NYAP2: variants seen among roughly 807,000 people sequenced by gnomAD.
The protein encoded by NYAP2 is neuronal tyrosine-phosphorylated phosphoinositide-3-kinase adaptor 2.
Under a neutral mutation model 50.4 loss-of-function variants are expected in NYAP2, and 23 were observed. That is an observed-to-expected ratio of 0.46 (90% confidence interval 0.33 to 0.65). NYAP2 has a LOEUF of 0.65. NYAP2 is among the 30% of genes least tolerant of loss of function. NYAP2 has a pLI of 0.02. For missense variants in NYAP2, 885 were observed against 861.0 expected (o/e 1.03, Z -0.35); for synonymous variants, 394 against 365.2 (o/e 1.08, Z -0.90).
chr2:225,445,477 A>G (rs1689538090), intron 3 of NYAP2, among the ~76,000 whole-genome samples: 2 of 152,090 alleles, frequency 1.3e-5, no homozygotes, highest in African/African-American at 4.8e-5. Context: ...TTGTAGAATG[A>G]CAAAGTTTTC....
chr2:225,446,516 T>A (rs994076341), intron 3 of NYAP2, among the ~76,000 whole-genome samples: 1 of 151,720 alleles, frequency 6.6e-6, no homozygotes, highest in African/African-American at 2.4e-5. Flanking sequence ...TGAAGTTGCA[T>A]GAAAGTTATA....
intron 3 of NYAP2, among the ~76,000 whole-genome samples, chr2:225,452,480 G>T (rs1689668518): frequency 6.6e-6 from 1 of 152,148 alleles, no homozygotes; most frequent in South Asian, 2.1e-4. Flanking sequence ...AGCTTTCTTG[G>T]ATGGTTGTAA....
In NYAP2 at chr2:225,474,484, G is replaced by A. The variant is rs13417808; in HGVS notation, c.222-38887G>A. On this transcript the variant is annotated intron_variant, in intron 3 of 6. Coordinates refer to ENST00000636099, the Ensembl canonical transcript of NYAP2. ...ATTTGTTTGTATCCTCTTTTATTTCGTTGAGCAGTGGTTTGTAGTTCACCT... is the reference window on the plus strand; with the variant it reads ...ATTTGTTTGTATCCTCTTTTATTTCATTGAGCAGTGGTTTGTAGTTCACCT... Among the ~76,000 whole-genome samples, 874 of 152,028 alleles carry A rather than the reference G, an allele frequency of 5.7e-3. 7 individuals are homozygous for A. The highest frequency in any genetic ancestry group is 0.02 in the African/African-American group (824 of 41,478).
At chr2:225,443,772 C>T (rs1269549018) in intron 3 of NYAP2, among the ~76,000 whole-genome samples, 3 of 152,122 alleles carry the variant, frequency 2.0e-5, no homozygotes, top group Admixed American at 6.5e-5. Context: ...TAAAGAACAG[C>T]TTTATAGTAA....
chr2:225,486,861 C>G (rs894829997), intron 3 of NYAP2, among the ~76,000 whole-genome samples: 3 of 152,156 alleles, frequency 2.0e-5, no homozygotes, highest in African/African-American at 7.2e-5. Flanking sequence ...GATCTGAGTT[C>G]CAGCTATTCC....
intron 3 of NYAP2, among the ~76,000 whole-genome samples, chr2:225,409,374 T>C (rs927628812): frequency 6.6e-6 from 1 of 152,056 alleles, no homozygotes; most frequent in African/African-American, 2.4e-5. Flanking sequence ...CAAAAGCTCA[T>C]ACTCAATAAC....
the NYAP2 span, among the ~76,000 whole-genome samples, chr2:225,672,162 G>T: frequency 3.3e-5 from 5 of 152,120 alleles, no homozygotes; most frequent in Admixed American, 6.6e-5. Context: ...CTTCTCTCTA[G>T]CTAGGAAAGC....
chr2:225,700,405 T>C, the NYAP2 span: 1 of 151,626 alleles, frequency 6.6e-6, no homozygotes, highest in African/African-American at 2.4e-5. Context: ...CTTGTATAAT[T>C]GAGGTGGTAG....
At chr2:225,646,873 G>C (rs555928883) in intron 6 of NYAP2, among the ~76,000 whole-genome samples, 19 of 152,194 alleles carry the variant, frequency 1.2e-4, no homozygotes, top group African/African-American at 3.9e-4. Flanking sequence ...GCATCCTATG[G>C]GGGTAGAGCA....
chr2:225,548,558 T>C (rs1472936325), intron 4 of NYAP2, among the ~76,000 whole-genome samples: 5 of 152,004 alleles, frequency 3.3e-5, no homozygotes, highest in Non-Finnish European at 7.3e-5. Flanking sequence ...ACTCTAAAAT[T>C]ATGCTCGGTG....
intron 4 of NYAP2, among the ~76,000 whole-genome samples, chr2:225,519,265 A>G (rs1245363666): frequency 6.6e-6 from 1 of 151,370 alleles, no homozygotes; most frequent in African/African-American, 2.4e-5. Flanking sequence ...TTTATTTTTT[A>G]TTTTTTATTT....
At chr2:225,655,262 A>G (rs1693804382), downstream of NYAP2, among the ~76,000 whole-genome samples, 2 of 152,190 alleles carry the variant, frequency 1.3e-5, no homozygotes, top group Non-Finnish European at 2.9e-5. Context: ...TTGCCCCAAA[A>G]CACATATTAT....
intron 4 of NYAP2, among the ~76,000 whole-genome samples, chr2:225,562,536 A>G (rs1691893752): frequency 6.6e-6 from 1 of 152,148 alleles, no homozygotes; most frequent in African/African-American, 2.4e-5. Flanking sequence ...CATATCTCCA[A>G]GGTAACACCA....
chr2:225,600,852 T>A (rs2106241481), intron 5 of NYAP2, among the ~76,000 whole-genome samples: 1 of 152,350 alleles, frequency 6.6e-6, no homozygotes, highest in East Asian at 1.9e-4. Flanking sequence ...ACTTAGCATG[T>A]CCTCAATTTT....
In NYAP2 at chr2:225,597,086, C is replaced by T. The variant is rs79319744; in HGVS notation, c.1618+14051C>T. 5.5e-3 allele frequency among the ~76,000 whole-genome samples: 837 copies of T among 152,094 alleles called. 10 individuals carry two copies. Among genetic ancestry groups the T allele is most frequent in the African/African-American group, 0.018 (760 of 41,506 alleles). Reference sequence around the variant, plus strand: ...TATCTGTGAAAAACAAAACAAAACACAGGAGTCTAATGTCCTGGGGTTAAA... The same window carrying T: ...TATCTGTGAAAAACAAAACAAAACATAGGAGTCTAATGTCCTGGGGTTAAA... On this transcript the variant is annotated intron_variant, in intron 5 of 6. Coordinates refer to ENST00000636099, the Ensembl canonical transcript of NYAP2.
chr2:225,528,946 A>G (rs983012305), intron 4 of NYAP2, among the ~76,000 whole-genome samples: 6 of 152,248 alleles, frequency 3.9e-5, no homozygotes, highest in Non-Finnish European at 8.8e-5. Flanking sequence ...TCTGCAGACG[A>G]AGTGGAGAAA....
chr2:225,429,249 G>T (rs1215085137), intron 3 of NYAP2, among the ~76,000 whole-genome samples: 3 of 152,094 alleles, frequency 2.0e-5, no homozygotes, highest in East Asian at 1.9e-4. Context: ...ATCAAATCTG[G>T]CAGACCACAA....
At chr2:225,545,436 C>A (rs1483922419) in intron 4 of NYAP2, among the ~76,000 whole-genome samples, 1 of 151,982 alleles carries the variant, frequency 6.6e-6, no homozygotes, top group Admixed American at 6.6e-5. Context: ...TTTGAGCTCA[C>A]TAATTCTTCT....
intron 3 of NYAP2, among the ~76,000 whole-genome samples, chr2:225,438,153 C>A (rs1265711772): frequency 6.6e-6 from 1 of 152,168 alleles, no homozygotes; most frequent in Non-Finnish European, 1.5e-5. Context: ...CTCTTGGATA[C>A]TTTATTCTGC....
Sources: gnomAD v4.1 joint callset for allele counts (sites outside exome capture counted in the v4.1 genomes callset) on GRCh38, gnomAD v4.1.1 for gene constraint, MANE v1.5 for transcripts, NCBI Gene and HGNC (gene_info 2026-07-23, HGNC 2026-07-21) for gene names.